Variants in FBXL17 observed in about 807,000 individuals in gnomAD.
FBXL17 encodes F-box/LRR-repeat protein 17.
FBXL17 carries 22 observed loss-of-function variants against 66.2 expected under a neutral mutation model. The observed-to-expected ratio is 0.33, with a 90% CI of 0.24 to 0.47. FBXL17 has a LOEUF of 0.47. Among genes scored for constraint, FBXL17 ranks in the 20% least tolerant of loss-of-function variants. The pLI is 1.00. For missense variants in FBXL17, 878 were observed against 948.2 expected (o/e 0.93, Z 0.97); for synonymous variants, 474 against 400.5 (o/e 1.18, Z -2.19).
At chr5:108,380,458 C>G (rs1749767295) in intron 1 of FBXL17, among the ~76,000 whole-genome samples, 1 of 152,266 alleles carries the variant, frequency 6.6e-6, no homozygotes. Flanking sequence ...TAGCTGAACC[C>G]TGAATGGTGG....
chr5:108,087,442 G>T (rs1749015599), intron 6 of FBXL17, among the ~76,000 whole-genome samples: 3 of 152,012 alleles, frequency 2.0e-5, no homozygotes, highest in Non-Finnish European at 2.9e-5. Context: ...TCAACCCAAA[G>T]CAGGACACTC....
At chr5:108,003,135 CT>C (rs1294508587) in intron 7 of FBXL17, among the ~76,000 whole-genome samples, 1 of 152,158 alleles carries the variant, frequency 6.6e-6, no homozygotes, top group South Asian at 2.1e-4. Flanking sequence ...CTTGAGGAAG[CT>C]TGCTAATATT....
Position 108,009,282 on chromosome 5 carries a change from T to TAGATAG in FBXL17, c.1822+11642_1822+11643insCTATCT, listed in dbSNP as rs1216444049. Among the ~76,000 whole-genome samples, 27 of 54,758 alleles carry TAGATAG rather than the reference T, an allele frequency of 4.9e-4. 6 individuals carry two copies. The highest frequency in any genetic ancestry group is 2.4e-3 in the African/African-American group (19 of 7,796). 35.9% of individuals were successfully genotyped at this position (54,758 alleles called of 152,430 possible). ...TGTTTTATATATATATATATATATA[T>TAGATAG]ATATATATATATATATATACATATA... On this transcript the variant is annotated intron_variant, in intron 7 of 8. Coordinates refer to ENST00000542267, the MANE Select transcript of FBXL17 (RefSeq NM_001163315.3).
At chr5:108,291,764 T>C (rs1428947292) in intron 4 of FBXL17, among the ~76,000 whole-genome samples, 1 of 152,194 alleles carries the variant, frequency 6.6e-6, no homozygotes, top group African/African-American at 2.4e-5. Flanking sequence ...CTATGTCCTC[T>C]TTCCATTAAT....
chr5:107,948,245 C>T (rs1751378552), intron 7 of FBXL17, among the ~76,000 whole-genome samples: 2 of 152,140 alleles, frequency 1.3e-5, no homozygotes, highest in South Asian at 4.1e-4. Flanking sequence ...TTTAGTCACT[C>T]ACTTTTTTCT....
intron 6 of FBXL17, among the ~76,000 whole-genome samples, chr5:108,116,061 A>C (rs1012408066): frequency 1.3e-5 from 2 of 152,220 alleles, no homozygotes; most frequent in African/African-American, 4.8e-5. Flanking sequence ...ATCTAACAAA[A>C]ATTTTGAAAT....
At chr5:108,093,677 C>T (rs551201259) in intron 6 of FBXL17, among the ~76,000 whole-genome samples, 1 of 152,262 alleles carries the variant, frequency 6.6e-6, no homozygotes, top group Admixed American at 6.5e-5. Flanking sequence ...CTGATTTAGT[C>T]ATTTTATTGC....
chr5:107,968,066 G>A (rs1009789784), intron 7 of FBXL17, among the ~76,000 whole-genome samples: 1 of 152,084 alleles, frequency 6.6e-6, no homozygotes, highest in African/African-American at 2.4e-5. Flanking sequence ...TTGATTATGT[G>A]TTAAGTTTTA....
intron 7 of FBXL17, among the ~76,000 whole-genome samples, chr5:108,017,472 T>A (rs1401242305): frequency 6.6e-6 from 1 of 152,192 alleles, no homozygotes; most frequent in Non-Finnish European, 1.5e-5. Flanking sequence ...TGACAAGAAC[T>A]GCCAATTAGT....
intron 7 of FBXL17, among the ~76,000 whole-genome samples, chr5:107,961,571 G>C (rs1210678956): frequency 6.6e-6 from 1 of 152,064 alleles, no homozygotes; most frequent in Non-Finnish European, 1.5e-5. Flanking sequence ...TAGAGTGGGA[G>C]TAGGCAGTAA....
intron 7 of FBXL17, among the ~76,000 whole-genome samples, chr5:107,886,258 G>A (rs1167063333): frequency 1.3e-5 from 2 of 152,140 alleles, no homozygotes; most frequent in Non-Finnish European, 2.9e-5. Context: ...AGTGAAACAA[G>A]TTACAAATAA....
intron 1 of FBXL17, among the ~76,000 whole-genome samples, chr5:108,370,798 C>A (rs1748982838): frequency 6.6e-6 from 1 of 151,546 alleles, no homozygotes; most frequent in Non-Finnish European, 1.5e-5. Flanking sequence ...CCCATGCCAG[C>A]AAACATGTAT....
chr5:107,958,411 T>A (rs1428123895), intron 7 of FBXL17, among the ~76,000 whole-genome samples: 1 of 152,182 alleles, frequency 6.6e-6, no homozygotes, highest in Admixed American at 6.6e-5. Flanking sequence ...CAGAGTAATC[T>A]GCACTGCAGC....
intron 6 of FBXL17, among the ~76,000 whole-genome samples, chr5:108,056,052 T>C (rs562400345): frequency 1.3e-5 from 2 of 152,298 alleles, no homozygotes; most frequent in Admixed American, 6.5e-5. Flanking sequence ...AAACTATTTA[T>C]ATATATCATA....
chr5:108,231,041 T>G (rs1755316072), intron 4 of FBXL17, among the ~76,000 whole-genome samples: 1 of 152,140 alleles, frequency 6.6e-6, no homozygotes, highest in East Asian at 1.9e-4. Context: ...TTATACACCT[T>G]AAAGTTTGAG....
intron 6 of FBXL17, among the ~76,000 whole-genome samples, chr5:108,095,799 G>A (rs1007037518): frequency 9.2e-5 from 14 of 152,038 alleles, no homozygotes; most frequent in Non-Finnish European, 5.9e-5. Context: ...ACACAAATTC[G>A]ATTGTTTGAA....
intron 7 of FBXL17, among the ~76,000 whole-genome samples, chr5:107,920,195 G>A (rs1750265286): frequency 6.6e-6 from 1 of 152,162 alleles, no homozygotes; most frequent in African/African-American, 2.4e-5. Context: ...TATTGAAACT[G>A]TGGATGTGAA....
chr5:108,300,246 G>A (rs1220331998), intron 4 of FBXL17, among the ~76,000 whole-genome samples: 1 of 151,682 alleles, frequency 6.6e-6, no homozygotes, highest in Non-Finnish European at 1.5e-5. Context: ...TAGCATCGAG[G>A]AAAAAAATAT....
intron 7 of FBXL17, among the ~76,000 whole-genome samples, chr5:108,001,156 G>T (rs572345220): frequency 4.6e-5 from 7 of 152,098 alleles, no homozygotes; most frequent in Non-Finnish European, 8.8e-5. Flanking sequence ...GGTAGTACAC[G>T]TTGCTAGCCG....
Sources: gnomAD v4.1 joint callset for allele counts (sites outside exome capture counted in the v4.1 genomes callset) on GRCh38, gnomAD v4.1.1 for gene constraint, MANE v1.5 for transcripts, NCBI Gene and HGNC (gene_info 2026-07-23, HGNC 2026-07-21) for gene names.